The following EXT1 variants were observed in gnomAD, a reference collection of about 807,000 sequenced individuals.
EXT1 encodes exostosin-1.
A neutral mutation model predicts 82.5 loss-of-function variants in EXT1; 20 were observed. The observed-to-expected ratio is 0.24, with a 90% CI of 0.17 to 0.35. The LOEUF is 0.35. Ranked by LOEUF, EXT1 falls within the 10% of genes least tolerant of loss-of-function variation. The pLI, the probability that EXT1 is intolerant of heterozygous loss-of-function variation, is 1.00. For missense variants in EXT1, 757 were observed against 936.5 expected (o/e 0.81, Z 2.50); for synonymous variants, 348 against 350.8 (o/e 0.99, Z 0.09).
intron 1 of EXT1, among the ~76,000 whole-genome samples, chr8:118,065,796 G>A (rs1341097840): frequency 1.3e-5 from 2 of 152,192 alleles, no homozygotes; most frequent in Non-Finnish European, 2.9e-5. Context: ...TTAGTGGGTG[G>A]GCATTTTTAA....
At chr8:117,821,750 T>C (rs1194981185) in intron 5 of EXT1, among the ~76,000 whole-genome samples, 1 of 152,218 alleles carries the variant, frequency 6.6e-6, no homozygotes, top group African/African-American at 2.4e-5. Flanking sequence ...GTCCTAGGCT[T>C]TCTCAAGTTT....
At chr8:117,893,626 G>T (rs1227878199) in intron 1 of EXT1, among the ~76,000 whole-genome samples, 1 of 152,184 alleles carries the variant, frequency 6.6e-6, no homozygotes, top group Non-Finnish European at 1.5e-5. Flanking sequence ...CTGAACACTT[G>T]AGCTTGTCCC....
intron 1 of EXT1, among the ~76,000 whole-genome samples, chr8:117,970,784 A>G (rs1218232916): frequency 6.6e-6 from 1 of 152,204 alleles, no homozygotes; most frequent in Non-Finnish European, 1.5e-5. Flanking sequence ...AACCGGAATC[A>G]CACACTAGAG....
Position 117,990,159 on chromosome 8 carries a change from C to T in EXT1, c.962+119926G>A, listed in dbSNP as rs546435670. Among the ~76,000 whole-genome samples the T allele has an allele frequency of 2.9e-3, 446 of 152,100 alleles. 2 individuals carry two copies. Among genetic ancestry groups the T allele is most frequent in the Non-Finnish European group, 5.5e-3 (373 of 67,980 alleles). The stretch of plus-strand genomic sequence containing the variant: ...CTGCACTCCAGCCTAGGCGACAGAG[C>T]GAGACTCCGCCTAAAAAAAAAGAGA... On this transcript the variant is annotated intron_variant, in intron 1 of 10. Coordinates refer to ENST00000378204, the MANE Select transcript of EXT1 (RefSeq NM_000127.3).
intron 1 of EXT1, among the ~76,000 whole-genome samples, chr8:118,021,362 G>A (rs1401332998): frequency 6.6e-6 from 1 of 152,106 alleles, no homozygotes; most frequent in African/African-American, 2.4e-5. Flanking sequence ...TAACTCATTG[G>A]GTAGCTAGGT....
At chr8:117,812,803 T>A (rs1053836929) in intron 8 of EXT1, 69 bp downstream of exon 8, 6 of 1,354,476 alleles carry the variant, frequency 4.4e-6, no homozygotes, top group East Asian at 2.3e-5. Flanking sequence ...AAAAGAAGCA[T>A]TAGCATCGTG....
chr8:117,980,777 C>A (rs1442511707), intron 1 of EXT1, among the ~76,000 whole-genome samples: 3 of 138,908 alleles, frequency 2.2e-5, no homozygotes, highest in African/African-American at 7.8e-5. Context: ...TTTTCCAACA[C>A]TGTTTTCACA....
chr8:118,071,553 C>T (rs1817095572), intron 1 of EXT1, among the ~76,000 whole-genome samples: 1 of 151,816 alleles, frequency 6.6e-6, no homozygotes, highest in African/African-American at 2.4e-5. Flanking sequence ...AGGAGTAAGG[C>T]TAAGAAAAGG....
rs1394508840 is a variant in EXT1, at chr8:117,837,191, G to A, written c.973C>T (p.Arg325Trp). The change falls in exon 2 of 11, where the codon CGG becomes TGG. Residue 325 changes from arginine to tryptophan, a missense_variant. Coordinates refer to ENST00000378204, the MANE Select transcript of EXT1 (RefSeq NM_000127.3). ...AAAGTGGCATTGTGCAGCATTTCCC[G>A]ATAATCATACCTAGAAAGAGAAGAG... is the stretch of plus-strand genomic sequence containing the variant. ...DNTEYEKYDY[R>W]EMLHNATFCL... 1.7e-5 allele frequency: 27 copies of A among 1,613,132 alleles called. No individual in the cohort carries two copies. The highest frequency in any genetic ancestry group is 2.1e-5 in the Non-Finnish European group (25 of 1,179,344).
At chr8:117,991,707 A>G (rs1422551155) in intron 1 of EXT1, among the ~76,000 whole-genome samples, 1 of 152,106 alleles carries the variant, frequency 6.6e-6, no homozygotes, top group African/African-American at 2.4e-5. Context: ...GATTACAGGC[A>G]CATACCACCA....
In EXT1 at chr8:117,795,350, G is replaced by C. The variant is rs901868999; in HGVS notation, c.*4362C>G. On this transcript the variant is annotated 3_prime_UTR_variant, in exon 11 of 11. Transcript: ENST00000378204. Reference sequence around the variant, plus strand: ...ATTTTTGGAAAGGGCAAAAAGGGGAGAGATGGTTTTGAGGAGTCAAATCCA... The same window carrying C: ...ATTTTTGGAAAGGGCAAAAAGGGGACAGATGGTTTTGAGGAGTCAAATCCA... 1.2e-4 allele frequency: 18 copies of C among 152,272 alleles called. No individual in the cohort carries two copies. The highest frequency in any genetic ancestry group is 4.3e-4 in the African/African-American group (18 of 41,556). The allele number at this position is 152,272 out of a possible 1,614,324, so 9.4% of individuals were successfully genotyped here.
intron 1 of EXT1, among the ~76,000 whole-genome samples, chr8:118,077,025 A>G (rs1563648911): frequency 6.6e-6 from 1 of 152,240 alleles, no homozygotes; most frequent in Non-Finnish European, 1.5e-5. Context: ...ACACACAGAA[A>G]AGTCCAAAAA....
intron 1 of EXT1, among the ~76,000 whole-genome samples, chr8:118,105,337 A>C (rs1323877270): frequency 6.6e-6 from 1 of 152,196 alleles, no homozygotes; most frequent in African/African-American, 2.4e-5. Context: ...GTGGCCTCCA[A>C]TGGGCAGGAC....
chr8:117,938,623 G>A (rs1419994063), intron 1 of EXT1, among the ~76,000 whole-genome samples: 1 of 152,174 alleles, frequency 6.6e-6, no homozygotes, highest in Admixed American at 6.5e-5. Flanking sequence ...AGTTCTCCTG[G>A]ACAGCTCCAT....
intron 1 of EXT1, among the ~76,000 whole-genome samples, chr8:118,034,692 T>C (rs1308605733): frequency 6.6e-6 from 1 of 152,234 alleles, no homozygotes; most frequent in Admixed American, 6.5e-5. Flanking sequence ...TTTCCTGATA[T>C]GGTCTACAAG....
chr8:118,090,578 G>C (rs969355589), intron 1 of EXT1, among the ~76,000 whole-genome samples: 12 of 151,830 alleles, frequency 7.9e-5, no homozygotes, highest in Non-Finnish European at 1.6e-4. Flanking sequence ...AGGAGTTCAA[G>C]ACCAGCCTGG....
intron 1 of EXT1, among the ~76,000 whole-genome samples, chr8:118,001,668 T>TA (rs61474212): frequency 6.6e-6 from 1 of 152,176 alleles, no homozygotes. Flanking sequence ...AAAAATGTAG[T>TA]AAAACCAACA....
At chr8:117,837,665 C>T (rs1007681982) in intron 1 of EXT1, among the ~76,000 whole-genome samples, 1 of 152,108 alleles carries the variant, frequency 6.6e-6, no homozygotes, top group African/African-American at 2.4e-5. Flanking sequence ...CAGAAAACCT[C>T]AATCACAGGC....
intron 1 of EXT1, among the ~76,000 whole-genome samples, chr8:117,981,579 G>T (rs2129767634): frequency 6.6e-6 from 1 of 152,280 alleles, no homozygotes; most frequent in East Asian, 1.9e-4. Context: ...ACTTTCTGCT[G>T]GGCATGGTGG....
Sources: gnomAD v4.1 joint callset for allele counts (sites outside exome capture counted in the v4.1 genomes callset) on GRCh38, gnomAD v4.1.1 for gene constraint, MANE v1.5 for transcripts, NCBI Gene and HGNC (gene_info 2026-07-23, HGNC 2026-07-21) for gene names.